NKAIN2: variants seen among roughly 807,000 people sequenced by gnomAD.
NKAIN2 encodes sodium/potassium transporting ATPase interacting 2.
In NKAIN2, 14 loss-of-function variants were observed where a neutral mutation model predicts 32.6. The ratio of observed to expected loss-of-function variants is 0.43; its 90% CI spans 0.28 to 0.67. The LOEUF is 0.67. NKAIN2 is among the 30% of genes least tolerant of loss of function. The probability of loss-of-function intolerance (pLI) is 0.17; values close to 1 mark genes in which losing one functional copy is unlikely to be tolerated. For synonymous variants in NKAIN2, 80 were observed against 87.2 expected (o/e 0.92, Z 0.46); for missense variants, 198 against 258.3 (o/e 0.77, Z 1.60).
intron 4 of NKAIN2, among the ~76,000 whole-genome samples, chr6:124,729,231 CA>C (rs1776517234): frequency 1.3e-5 from 2 of 150,510 alleles, no homozygotes; most frequent in South Asian, 2.1e-4. Flanking sequence ...ATTCTGATAC[CA>C]AAGCCAGGCA....
At chr6:124,236,131 G>A (rs996804992) in intron 1 of NKAIN2, among the ~76,000 whole-genome samples, 2 of 152,038 alleles carry the variant, frequency 1.3e-5, no homozygotes, top group African/African-American at 4.8e-5. Flanking sequence ...GTGACTATCT[G>A]AGTGAATGGG....
chr6:123,859,681 C>T (rs938843909), intron 1 of NKAIN2, among the ~76,000 whole-genome samples: 1 of 152,014 alleles, frequency 6.6e-6, no homozygotes, highest in East Asian at 1.9e-4. Context: ...TAGGTATCTG[C>T]CTATTTACTT....
At chr6:123,878,932 C>A (rs1436494118) in intron 1 of NKAIN2, among the ~76,000 whole-genome samples, 1 of 152,184 alleles carries the variant, frequency 6.6e-6, no homozygotes, top group Non-Finnish European at 1.5e-5. Flanking sequence ...TTTTCTTGCC[C>A]TTACTCTCAG....
chr6:124,028,892 TATATATATATACAC>T (rs1358556936), intron 1 of NKAIN2, among the ~76,000 whole-genome samples: 1 of 16,766 alleles, frequency 6.0e-5, no homozygotes, highest in Non-Finnish European at 1.0e-4. Flanking sequence ...TATGTGTATA[TATATATATATACAC>T]ATATATGTAT....
intron 2 of NKAIN2, among the ~76,000 whole-genome samples, chr6:124,325,422 G>A: frequency 6.6e-6 from 1 of 151,944 alleles, no homozygotes; most frequent in East Asian, 1.9e-4. Context: ...GAAAAAACAT[G>A]TCCACAGAAA....
intron 3 of NKAIN2, among the ~76,000 whole-genome samples, chr6:124,470,934 G>A (rs150452846): frequency 0.011 from 1,703 of 152,174 alleles, 31 homozygotes; most frequent in African/African-American, 0.039. Context: ...CAGCTTAAGG[G>A]TCAAATCTGG....
At chr6:124,037,604 A>T (rs751462217) in intron 1 of NKAIN2, among the ~76,000 whole-genome samples, 1 of 152,156 alleles carries the variant, frequency 6.6e-6, no homozygotes, top group African/African-American at 2.4e-5. Flanking sequence ...TTCCCAATAC[A>T]TCAAAGAGCC....
chr6:123,872,728 A>T (rs564131341), intron 1 of NKAIN2, among the ~76,000 whole-genome samples: 1 of 152,234 alleles, frequency 6.6e-6, no homozygotes, highest in African/African-American at 2.4e-5. Flanking sequence ...TCAGGCACTC[A>T]TTGCTCTTAA....
intron 1 of NKAIN2, among the ~76,000 whole-genome samples, chr6:124,029,650 C>T (rs1781315740): frequency 6.6e-6 from 1 of 152,116 alleles, no homozygotes; most frequent in Non-Finnish European, 1.5e-5. Context: ...AATTAACATG[C>T]AGACCAGCAG....
chr6:124,763,095 A>G (rs761622755), intron 4 of NKAIN2, among the ~76,000 whole-genome samples: 1 of 152,208 alleles, frequency 6.6e-6, no homozygotes, highest in African/African-American at 2.4e-5. Context: ...GAATCTAAAA[A>G]AGTTGAACTT....
intron 1 of NKAIN2, among the ~76,000 whole-genome samples, chr6:124,281,370 A>G (rs954550491): frequency 6.6e-6 from 1 of 152,238 alleles, no homozygotes; most frequent in Non-Finnish European, 1.5e-5. Context: ...AATACTGCCT[A>G]ATGTCACAAA....
chr6:124,175,994 GT>G lies in NKAIN2; in HGVS notation c.55-107008del, dbSNP rs1468552816. On this transcript the variant is annotated intron_variant, in intron 1 of 6. Coordinates refer to ENST00000368417, the MANE Select transcript of NKAIN2 (RefSeq NM_001040214.3). ...GCTGCCTCTCATGAGAAATTTTCTA[GT>G]TTATGCAGACTTACCTCAGAGATAT... Among the ~76,000 whole-genome samples, 3 of 152,066 alleles carry G rather than the reference GT, an allele frequency of 2.0e-5. No individual in the cohort carries two copies. In the East Asian group the frequency reaches 5.8e-4, roughly 29 times the overall value.
chr6:124,352,318 C>A (rs1798771108), intron 2 of NKAIN2, among the ~76,000 whole-genome samples: 1 of 152,158 alleles, frequency 6.6e-6, no homozygotes, highest in South Asian at 2.1e-4. Flanking sequence ...TATACATACA[C>A]ATAAATGTAA....
At chr6:124,023,207 AAC>A (rs138082472) in intron 1 of NKAIN2, among the ~76,000 whole-genome samples, 1 of 150,962 alleles carries the variant, frequency 6.6e-6, no homozygotes, top group African/African-American at 2.4e-5. Flanking sequence ...TCTGAGATTA[AAC>A]ACACACACAC....
chr6:124,727,107 A>G (rs1160032660), intron 4 of NKAIN2, among the ~76,000 whole-genome samples: 1 of 152,308 alleles, frequency 6.6e-6, no homozygotes, highest in East Asian at 1.9e-4. Context: ...TGAAGTGGAG[A>G]ATGGAACCCA....
At chr6:124,712,702 C>T (rs1385571826) in intron 4 of NKAIN2, among the ~76,000 whole-genome samples, 1 of 151,756 alleles carries the variant, frequency 6.6e-6, no homozygotes, top group Admixed American at 6.6e-5. Flanking sequence ...CACCCACTGA[C>T]CGGCACTCCC....
intron 3 of NKAIN2, among the ~76,000 whole-genome samples, chr6:124,554,946 A>G (rs1400641556): frequency 6.6e-6 from 1 of 152,094 alleles, no homozygotes; most frequent in Non-Finnish European, 1.5e-5. Context: ...TCCAGCTAAT[A>G]TAACCCAGAG....
At chr6:123,963,802 A>G (rs1226656940) in intron 1 of NKAIN2, among the ~76,000 whole-genome samples, 2 of 152,162 alleles carry the variant, frequency 1.3e-5, no homozygotes, top group Non-Finnish European at 2.9e-5. Flanking sequence ...TTTAAATAAT[A>G]TTTATTATAG....
chr6:123,818,809 A>G (rs938386368), intron 1 of NKAIN2, among the ~76,000 whole-genome samples: 1 of 152,196 alleles, frequency 6.6e-6, no homozygotes, highest in Non-Finnish European at 1.5e-5. Context: ...ATATCACCTC[A>G]TGTGTTTTTC....
Sources: gnomAD v4.1 joint callset for allele counts (sites outside exome capture counted in the v4.1 genomes callset) on GRCh38, gnomAD v4.1.1 for gene constraint, MANE v1.5 for transcripts, NCBI Gene and HGNC (gene_info 2026-07-23, HGNC 2026-07-21) for gene names.